AIG1: variants seen among roughly 807,000 people sequenced by gnomAD.
The protein encoded by AIG1 is androgen-induced gene 1 protein.
A neutral mutation model predicts 31.4 loss-of-function variants in AIG1; 23 were observed. The ratio of observed to expected loss-of-function variants is 0.73; its 90% CI spans 0.53 to 1.04. The LOEUF is 1.04. Among genes scored for constraint, AIG1 ranks in the 50% least tolerant of loss-of-function variants. The pLI is 0.00. For missense variants in AIG1, 274 were observed against 295.0 expected, an observed-to-expected ratio of 0.93 and a Z score of 0.52; for synonymous variants, 100 against 110.5, an observed-to-expected ratio of 0.90 and a Z score of 0.60.
At chr6:143,066,582 C>T (rs902204963) in intron 1 of AIG1, among the ~76,000 whole-genome samples, 4 of 151,918 alleles carry the variant, frequency 2.6e-5, no homozygotes, top group Non-Finnish European at 5.9e-5. Flanking sequence ...CTGAATTCTG[C>T]CTATTTTCAA....
chr6:143,316,323 A>G (rs1775735546), intron 4 of AIG1, among the ~76,000 whole-genome samples: 1 of 152,098 alleles, frequency 6.6e-6, no homozygotes, highest in South Asian at 2.1e-4. Context: ...TTTGCCCACA[A>G]TTTCTCCCAT....
At chr6:143,121,177 C>T (rs573478654) in intron 1 of AIG1, among the ~76,000 whole-genome samples, 1 of 152,286 alleles carries the variant, frequency 6.6e-6, no homozygotes, top group East Asian at 1.9e-4. Flanking sequence ...CTGTGAGACC[C>T]CTGATTTCCC....
At chr6:143,146,902 T>C (rs148995509) in intron 2 of AIG1, among the ~76,000 whole-genome samples, 89 of 152,252 alleles carry the variant, frequency 5.8e-4, no homozygotes, top group African/African-American at 2.1e-3. Context: ...CTAATCCTCT[T>C]AGGGAACAAA....
intron 1 of AIG1, chr6:143,099,618 T>G (rs1315930697): frequency 6.6e-6 from 1 of 152,154 alleles, no homozygotes; most frequent in African/African-American, 2.4e-5. Context: ...AAACAAAATA[T>G]TGTGTTGGTT....
chr6:143,331,791 T>C lies in AIG1; in HGVS notation c.516-1491T>C, dbSNP rs1777096657. 1.3e-5 allele frequency among the ~76,000 whole-genome samples: 2 copies of C among 151,470 alleles called. No individual in the cohort carries two copies. Among genetic ancestry groups the C allele is most frequent in the South Asian group, 4.2e-4 (2 of 4,816 alleles). ...TCACCCTCATTGATAACGCAGGTTC[T>C]CAGGTATAGATCCCCAGGTTTCCTG... is the stretch of plus-strand genomic sequence containing the variant. On this transcript the variant is annotated intron_variant, in intron 4 of 5. Coordinates refer to ENST00000357847, the MANE Select transcript of AIG1 (RefSeq NM_016108.4). The surrounding 1 kb of genome is among the most constrained non-coding windows in gnomAD (Gnocchi z 4.1).
intron 2 of AIG1, among the ~76,000 whole-genome samples, chr6:143,143,200 A>T (rs1322503135): frequency 6.6e-6 from 1 of 151,968 alleles, no homozygotes; most frequent in African/African-American, 2.4e-5. Context: ...TTAAGGGGGA[A>T]ATTAAAAAAA....
chr6:143,075,230 T>G (rs1777625129), intron 1 of AIG1, among the ~76,000 whole-genome samples: 1 of 152,250 alleles, frequency 6.6e-6, no homozygotes, highest in Non-Finnish European at 1.5e-5. Flanking sequence ...TTTTATTGAT[T>G]TGTTTCAAAG....
chr6:143,312,151 T>C (rs890547584), intron 4 of AIG1, among the ~76,000 whole-genome samples: 5 of 152,034 alleles, frequency 3.3e-5, no homozygotes, highest in African/African-American at 1.2e-4. Flanking sequence ...AATTTACAGA[T>C]TCAATTCAAT....
In AIG1 at chr6:143,288,294, G is replaced by GTCT. The variant is rs1340920727; in HGVS notation, c.515+4075_515+4077dup. Reference sequence around the variant, plus strand: ...TCAAGAATGGTCTCTCTCCTAAGGAGTCTTCTTCCAGCCCCTGGCTATTCT... The same window carrying GTCT: ...TCAAGAATGGTCTCTCTCCTAAGGAGTCTTCTTCTTCCAGCCCCTGGCTATTCT... On this transcript the variant is annotated intron_variant, in intron 4 of 5. Coordinates refer to ENST00000357847, the MANE Select transcript of AIG1 (RefSeq NM_016108.4). This position sits in a 1 kb window ranked among gnomAD's most constrained non-coding sequence, Gnocchi z 4.4. Among the ~76,000 whole-genome samples the GTCT allele has an allele frequency of 7.3e-6, 1 of 136,480 alleles. No individual in the cohort carries two copies. Among genetic ancestry groups the GTCT allele is most frequent in the African/African-American group, 2.9e-5 (1 of 34,250 alleles). 89.5% of individuals were successfully genotyped at this position (136,480 alleles called of 152,430 possible).
chr6:143,218,218 T>C (rs1267854263), intron 3 of AIG1, among the ~76,000 whole-genome samples: 3 of 152,242 alleles, frequency 2.0e-5, no homozygotes, highest in Non-Finnish European at 4.4e-5. Flanking sequence ...GGAACATCTT[T>C]ACTCTCGTTT....
chr6:143,252,668 A>C (rs888481166), intron 3 of AIG1, among the ~76,000 whole-genome samples: 1 of 152,224 alleles, frequency 6.6e-6, no homozygotes, highest in African/African-American at 2.4e-5. Context: ...ACGTTTGGTT[A>C]GATCGTTTTC....
At chr6:143,182,794 T>C (rs572603529) in intron 3 of AIG1, among the ~76,000 whole-genome samples, 13 of 152,358 alleles carry the variant, frequency 8.5e-5, no homozygotes, top group African/African-American at 2.9e-4. Context: ...CAATGAATAT[T>C]TGTTGCATGA....
At chr6:143,094,374 T>C (rs1045923424) in intron 1 of AIG1, 1 of 152,146 alleles carries the variant, frequency 6.6e-6, no homozygotes, top group Non-Finnish European at 1.5e-5. Flanking sequence ...CAGAAGTACG[T>C]TACATCCTGG....
At chr6:143,255,094 A>G (rs1242040000) in intron 3 of AIG1, among the ~76,000 whole-genome samples, 1 of 152,214 alleles carries the variant, frequency 6.6e-6, no homozygotes, top group African/African-American at 2.4e-5. Flanking sequence ...AAACTCTCAC[A>G]TAAGAACATC....
At chr6:143,133,233 A>C (rs1583280912) in intron 1 of AIG1, among the ~76,000 whole-genome samples, 3 of 151,978 alleles carry the variant, frequency 2.0e-5, no homozygotes, top group African/African-American at 7.2e-5. Context: ...TGTTTGTTTG[A>C]GGGCTATTTT....
chr6:143,212,035 T>C (rs1791633758), intron 3 of AIG1, among the ~76,000 whole-genome samples: 1 of 152,200 alleles, frequency 6.6e-6, no homozygotes. Context: ...ATAATTCTTG[T>C]TGGGTGGGGC....
At chr6:143,161,984 G>T (rs183533129) in intron 2 of AIG1, among the ~76,000 whole-genome samples, 1 of 152,144 alleles carries the variant, frequency 6.6e-6, no homozygotes, top group African/African-American at 2.4e-5. Flanking sequence ...GCATAAAATT[G>T]TAAGGGAAAA....
intron 1 of AIG1, among the ~76,000 whole-genome samples, chr6:143,100,451 C>T (rs921471078): frequency 1.4e-4 from 22 of 152,110 alleles, no homozygotes; most frequent in African/African-American, 4.1e-4. Context: ...AAAGAAGGAA[C>T]TGATATTTGT....
intron 2 of AIG1, among the ~76,000 whole-genome samples, chr6:143,159,427 T>C (rs948414242): frequency 4.6e-5 from 7 of 152,166 alleles, no homozygotes; most frequent in Admixed American, 6.5e-5. Flanking sequence ...AAAATGATGA[T>C]AGTTAAAACC....
Sources: gnomAD v4.1 joint callset for allele counts (sites outside exome capture counted in the v4.1 genomes callset) on GRCh38, gnomAD v4.1.1 for gene constraint, Gnocchi (gnomAD v3.1) non-coding constraint, MANE v1.5 for transcripts, NCBI Gene and HGNC (gene_info 2026-07-23, HGNC 2026-07-21) for gene names.